UNC5C: variants seen among roughly 807,000 people sequenced by gnomAD.
UNC5C encodes netrin receptor UNC5C.
Under a neutral mutation model 99.8 loss-of-function variants are expected in UNC5C, and 47 were observed. The ratio of observed to expected loss-of-function variants is 0.47; its 90% CI spans 0.37 to 0.60. UNC5C has a LOEUF of 0.60. Among genes scored for constraint, UNC5C ranks in the 20% least tolerant of loss-of-function variants. UNC5C has a pLI of 0.00. For synonymous variants in UNC5C, 487 were observed against 452.2 expected (o/e 1.08, Z -0.98); for missense variants, 1,062 against 1,165.9 (o/e 0.91, Z 1.30).
intron 1 of UNC5C, among the ~76,000 whole-genome samples, chr4:95,338,949 A>C (rs927454325): frequency 2.6e-5 from 4 of 152,114 alleles, no homozygotes; most frequent in African/African-American, 9.6e-5. Context: ...ACAGCAGAAC[A>C]TTAAACCAAA....
At chr4:95,366,881 G>A (rs1744589565) in intron 1 of UNC5C, among the ~76,000 whole-genome samples, 1 of 152,156 alleles carries the variant, frequency 6.6e-6, no homozygotes, top group South Asian at 2.1e-4. Flanking sequence ...TTTTGCCCAA[G>A]TATAATTTGC....
At chr4:95,404,487 TATAA>T (rs1560820983) in intron 1 of UNC5C, among the ~76,000 whole-genome samples, 1 of 152,168 alleles carries the variant, frequency 6.6e-6, no homozygotes, top group Admixed American at 6.5e-5. Context: ...AGCCCATGGA[TATAA>T]ATAGTTTTTT....
At chr4:95,234,508 T>C (rs967839353) in intron 7 of UNC5C, among the ~76,000 whole-genome samples, 1 of 152,178 alleles carries the variant, frequency 6.6e-6, no homozygotes, top group African/African-American at 2.4e-5. Flanking sequence ...CCTTTCTTAT[T>C]CAATGCAATC....
At chr4:95,187,353 A>C (rs962209002) in intron 12 of UNC5C, among the ~76,000 whole-genome samples, 2 of 152,198 alleles carry the variant, frequency 1.3e-5, no homozygotes, top group Admixed American at 1.3e-4. Context: ...ATTACTATAG[A>C]TCTTCATTAT....
At chr4:95,505,172 T>A (rs1312787577) in intron 1 of UNC5C, among the ~76,000 whole-genome samples, 7 of 152,078 alleles carry the variant, frequency 4.6e-5, no homozygotes. Flanking sequence ...CAAGGAACAA[T>A]TTATTGATTA....
intron 1 of UNC5C, among the ~76,000 whole-genome samples, chr4:95,422,044 A>C (rs1482511861): frequency 1.3e-5 from 2 of 152,236 alleles, no homozygotes; most frequent in Non-Finnish European, 2.9e-5. Context: ...GACTGGTCCC[A>C]AGACAGCAGG....
chr4:95,390,646 C>T (rs1351770), intron 1 of UNC5C, among the ~76,000 whole-genome samples: 7,451 of 152,198 alleles, frequency 0.049, 234 homozygotes, highest in South Asian at 0.17. Context: ...TGATTCTACA[C>T]GAATTCTAAG....
chr4:95,198,238 C>G (rs570527505), intron 12 of UNC5C, among the ~76,000 whole-genome samples: 1 of 152,102 alleles, frequency 6.6e-6, no homozygotes, highest in African/African-American at 2.4e-5. Context: ...ATCCACCCGC[C>G]TTGGCCTCCC....
Position 95,396,263 on chromosome 4 carries a change from G to T in UNC5C, c.125-60632C>A, listed in dbSNP as rs914532723. Among the ~76,000 whole-genome samples the T allele has an allele frequency of 2.0e-5, 3 of 152,100 alleles. No individual in the cohort carries two copies. In the East Asian group the frequency reaches 5.8e-4, roughly 29 times the overall value. On this transcript the variant is annotated intron_variant, in intron 1 of 15. Coordinates refer to ENST00000453304, the MANE Select transcript of UNC5C (RefSeq NM_003728.4). Reference sequence around the variant, plus strand: ...CTCATTAATTAGCTCTATCATCTTGGGTAAGATATTCCAACCCCCTGGATT... The same window carrying T: ...CTCATTAATTAGCTCTATCATCTTGTGTAAGATATTCCAACCCCCTGGATT...
chr4:95,354,840 A>G (rs1418721930), intron 1 of UNC5C, among the ~76,000 whole-genome samples: 1 of 151,998 alleles, frequency 6.6e-6, no homozygotes, highest in Non-Finnish European at 1.5e-5. Context: ...GTGCCAGTTT[A>G]GAACCATTTT....
At chr4:95,320,394 C>T (rs6817365) in intron 2 of UNC5C, among the ~76,000 whole-genome samples, 1 of 143,920 alleles carries the variant, frequency 6.9e-6, no homozygotes, top group South Asian at 2.3e-4. Context: ...TGTACTCCAG[C>T]CTGGGTGACA....
At chr4:95,329,105 A>C (rs1392580355) in intron 2 of UNC5C, among the ~76,000 whole-genome samples, 1 of 152,088 alleles carries the variant, frequency 6.6e-6, no homozygotes, top group Non-Finnish European at 1.5e-5. Context: ...CAGCCTGGGC[A>C]ACATAGCAAG....
At chr4:95,293,294 G>GGTTTT (rs1361294212) in intron 3 of UNC5C, among the ~76,000 whole-genome samples, 1 of 104,086 alleles carries the variant, frequency 9.6e-6, no homozygotes, top group African/African-American at 4.6e-5. Context: ...ATAATAGTGA[G>GGTTTT]CTTTTTTTTT....
At chr4:95,377,934 T>G (rs1744944334) in intron 1 of UNC5C, among the ~76,000 whole-genome samples, 1 of 152,222 alleles carries the variant, frequency 6.6e-6, no homozygotes, top group African/African-American at 2.4e-5. Flanking sequence ...TGACTTGCTT[T>G]AAATATACAG....
At chr4:95,389,484 A>C (rs1238367604) in intron 1 of UNC5C, among the ~76,000 whole-genome samples, 1 of 152,156 alleles carries the variant, frequency 6.6e-6, no homozygotes, top group African/African-American at 2.4e-5. Context: ...CGATAATTCT[A>C]TCTGGTAGCC....
intron 4 of UNC5C, among the ~76,000 whole-genome samples, chr4:95,269,408 C>T (rs888648009): frequency 3.3e-5 from 5 of 152,150 alleles, no homozygotes; most frequent in Non-Finnish European, 7.3e-5. Context: ...GATCCTGCCA[C>T]CTCAGTTCCT....
chr4:95,273,876 C>T (rs1740755490), intron 4 of UNC5C, among the ~76,000 whole-genome samples: 1 of 152,084 alleles, frequency 6.6e-6, no homozygotes, highest in Non-Finnish European at 1.5e-5. Context: ...AGTCTGTCAT[C>T]CCACACCAAG....
chr4:95,323,231 A>G (rs1276249822), intron 2 of UNC5C, among the ~76,000 whole-genome samples: 1 of 152,170 alleles, frequency 6.6e-6, no homozygotes, highest in East Asian at 1.9e-4. Context: ...AGCCCCTATT[A>G]AGTACCCAAC....
chr4:95,458,240 T>C (rs1274963713), intron 1 of UNC5C, among the ~76,000 whole-genome samples: 1 of 152,030 alleles, frequency 6.6e-6, no homozygotes, highest in East Asian at 1.9e-4. Context: ...GTCTGTCCCA[T>C]TGTAGTATGA....
Sources: allele counts gnomAD v4.1 joint callset (sites outside exome capture counted in the v4.1 genomes callset), GRCh38; gene constraint gnomAD v4.1.1; transcripts MANE v1.5; gene names NCBI Gene and HGNC (gene_info 2026-07-23, HGNC 2026-07-21).